TJP2: variants seen among roughly 807,000 people sequenced by gnomAD.
The protein encoded by TJP2 is tight junction protein 2, also known as Friedreich ataxia region gene X104 (tight junction protein ZO-2).
TJP2 carries 91 observed loss-of-function variants against 133.1 expected under a neutral mutation model. That is an observed-to-expected ratio of 0.68 (90% CI 0.58 to 0.81). TJP2 has a LOEUF of 0.81. Among genes scored for constraint, TJP2 ranks in the 40% least tolerant of loss-of-function variants. TJP2 has a pLI of 0.00. For synonymous variants in TJP2, 592 were observed against 583.4 expected (o/e 1.01, Z -0.21); for missense variants, 1,541 against 1,565.6 (o/e 0.98, Z 0.26).
At chr9:69,219,909 G>A (rs942951622) in intron 4 of TJP2, among the ~76,000 whole-genome samples, 28 of 147,454 alleles carry the variant, frequency 1.9e-4, no homozygotes, top group African/African-American at 6.4e-4. Flanking sequence ...CCAGCACTTT[G>A]GGAGATGGAG....
chr9:69,211,470 G>T (rs112054786), intron 1 of TJP2, among the ~76,000 whole-genome samples: 1 of 152,132 alleles, frequency 6.6e-6, no homozygotes, highest in Non-Finnish European at 1.5e-5. Context: ...CTCACTCATG[G>T]TGATGTGCAT....
intron 1 of TJP2, among the ~76,000 whole-genome samples, chr9:69,131,511 C>T (rs1822495696): frequency 6.6e-6 from 1 of 152,170 alleles, no homozygotes; most frequent in East Asian, 1.9e-4. Context: ...AAGGAATCCT[C>T]ATTGCGTCTG....
At chr9:69,180,789 G>C (rs768279948) in intron 1 of TJP2, among the ~76,000 whole-genome samples, 10 of 152,180 alleles carry the variant, frequency 6.6e-5, no homozygotes, top group Admixed American at 1.3e-4. Flanking sequence ...TAGCAGCCTG[G>C]TTTCTGCGTT....
chr9:69,244,854 T>C (rs2133444555), intron 17 of TJP2, among the ~76,000 whole-genome samples: 1 of 152,342 alleles, frequency 6.6e-6, no homozygotes, highest in South Asian at 2.1e-4. Context: ...CTTTTGTGAT[T>C]TTCTTTATTT....
At chr9:69,169,579 C>G (rs34854736), upstream of TJP2, among the ~76,000 whole-genome samples, 2,946 of 152,160 alleles carry the variant, frequency 0.019, 37 homozygotes, top group Non-Finnish European at 0.032. Context: ...AGGGTGGTCT[C>G]GAACTCCTGA....
chr9:69,228,909 A>G (rs940574038), intron 9 of TJP2, among the ~76,000 whole-genome samples: 1 of 152,120 alleles, frequency 6.6e-6, no homozygotes, highest in Admixed American at 6.5e-5. Context: ...CAGTATCATT[A>G]TTGTATGTTT....
intron 1 of TJP2, among the ~76,000 whole-genome samples, chr9:69,210,000 T>G (rs531743062): frequency 3.9e-5 from 6 of 152,142 alleles, no homozygotes; most frequent in African/African-American, 1.4e-4. Context: ...TTAAGAAAAT[T>G]TGTAGGCTGG....
At chr9:69,158,386 AC>A (rs1288272032) in intron 2 of TJP2, among the ~76,000 whole-genome samples, 1 of 148,480 alleles carries the variant, frequency 6.7e-6, no homozygotes, top group African/African-American at 2.5e-5. Flanking sequence ...TTAACTTTTC[AC>A]AGCCAAATCT....
Position 69,238,757 on chromosome 9 carries a change from C to T in TJP2, c.2323C>T (p.Arg775Trp), listed in dbSNP as rs147994200. 14 of 1,613,736 alleles carry T rather than the reference C, an allele frequency of 8.7e-6. No individual in the cohort carries two copies. Among genetic ancestry groups the T allele is most frequent in the African/African-American group, 5.3e-5 (4 of 74,894 alleles). Reference sequence around the variant, plus strand: ...ATCTGAGAAATCCACTGGAGTGGTCCGGTTAAATACCGTGAGGCAAATTAT... The same window carrying T: ...ATCTGAGAAATCCACTGGAGTGGTCTGGTTAAATACCGTGAGGCAAATTAT... ...AGSEKSTGVV[R>W]LNTVRQIIEQ... The change falls in exon 16 of 23, where the codon CGG becomes TGG. Residue 775 changes from arginine to tryptophan, a missense_variant. Transcript: ENST00000377245.
chr9:69,159,673 T>C (rs1178286054), intron 2 of TJP2, among the ~76,000 whole-genome samples: 1 of 151,904 alleles, frequency 6.6e-6, no homozygotes, highest in Non-Finnish European at 1.5e-5. Flanking sequence ...GGTCAGGAGA[T>C]CGAGACCATC....
intron 7 of TJP2, among the ~76,000 whole-genome samples, chr9:69,226,994 C>T (rs568644767): frequency 2.2e-3 from 333 of 152,312 alleles, no homozygotes; most frequent in African/African-American, 7.5e-3. Flanking sequence ...CATAGGATAA[C>T]ATTTTAACCT....
In TJP2 at chr9:69,206,790, T is replaced by G. The variant is rs112970475; in HGVS notation, c.61-5758T>G. 6.9e-3 allele frequency among the ~76,000 whole-genome samples: 1,043 copies of G among 152,032 alleles called. 7 individuals are homozygous for G. Among genetic ancestry groups the G allele is most frequent in the South Asian group, 0.018 (87 of 4,820 alleles). On this transcript the variant is annotated intron_variant, in intron 1 of 22. Transcript: ENST00000377245. Reference sequence around the variant, plus strand: ...GATGGGGTTTAACCATGTTAGTCAGTATGGTCTTGATCTCCTGACCTCGTG... The same window carrying G: ...GATGGGGTTTAACCATGTTAGTCAGGATGGTCTTGATCTCCTGACCTCGTG...
chr9:69,250,307 TTGGCCAGGC>T (rs1831237954), intron 20 of TJP2, among the ~76,000 whole-genome samples: 1 of 152,176 alleles, frequency 6.6e-6, no homozygotes, highest in Non-Finnish European at 1.5e-5. Context: ...TTTCGACATG[TTGGCCAGGC>T]TGGTCTCGAA....
chr9:69,175,236 G>C (rs1477858124), intron 1 of TJP2, among the ~76,000 whole-genome samples: 1 of 152,204 alleles, frequency 6.6e-6, no homozygotes, highest in East Asian at 1.9e-4. Context: ...TGTCTGGCCT[G>C]AGTAATGATG....
chr9:69,155,801 C>T (rs964825789), intron 2 of TJP2, among the ~76,000 whole-genome samples: 2 of 152,184 alleles, frequency 1.3e-5, no homozygotes, highest in Non-Finnish European at 2.9e-5. Context: ...TGCCCTCACC[C>T]CCTTAAGAGG....
At chr9:69,201,617 A>G (rs56346449) in intron 1 of TJP2, among the ~76,000 whole-genome samples, 2 of 152,284 alleles carry the variant, frequency 1.3e-5, no homozygotes, top group African/African-American at 4.8e-5. Flanking sequence ...CATTTGTTGA[A>G]TGAATGAGTA....
chr9:69,173,456 G>T (rs1034335585), upstream of TJP2, among the ~76,000 whole-genome samples: 4 of 152,198 alleles, frequency 2.6e-5, no homozygotes, highest in Non-Finnish European at 4.4e-5. Flanking sequence ...AAGCACTTGT[G>T]ACCTACTGGC....
upstream of TJP2, among the ~76,000 whole-genome samples, chr9:69,173,558 T>A (rs1824809257): frequency 6.6e-6 from 1 of 152,160 alleles, no homozygotes; most frequent in Non-Finnish European, 1.5e-5. Flanking sequence ...GAATATATTG[T>A]CCTGAAAAGT....
chr9:69,193,966 A>G (rs961923073), intron 1 of TJP2, among the ~76,000 whole-genome samples: 1 of 152,142 alleles, frequency 6.6e-6, no homozygotes, highest in East Asian at 1.9e-4. Flanking sequence ...TATTACGTTT[A>G]TGGTATTTTA....
Sources: gnomAD v4.1 joint callset for allele counts (sites outside exome capture counted in the v4.1 genomes callset) on GRCh38, gnomAD v4.1.1 for gene constraint, MANE v1.5 for transcripts, NCBI Gene and HGNC (gene_info 2026-07-23, HGNC 2026-07-21) for gene names.